Variants in NSF observed in about 807,000 individuals in gnomAD.
NSF encodes N-ethylmaleimide sensitive factor, vesicle fusing ATPase.
NSF carries 14 observed loss-of-function variants against 50.3 expected under a neutral mutation model. The ratio of observed to expected loss-of-function variants is 0.28; its 90% CI spans 0.18 to 0.44. The LOEUF is 0.44. Ranked by LOEUF, NSF falls within the 20% of genes least tolerant of loss-of-function variation. NSF has a pLI of 1.00. For missense variants in NSF, 218 were observed against 504.3 expected (o/e 0.43, Z 5.44); for synonymous variants, 109 against 175.7 (o/e 0.62, Z 3.00).
At chr17:46,750,270 T>C (rs1242714932) in intron 18 of NSF, among the ~76,000 whole-genome samples, 1 of 152,138 alleles carries the variant, frequency 6.6e-6, no homozygotes, top group African/African-American at 2.4e-5. Flanking sequence ...GGAGAATCTC[T>C]TGAACCCAGG....
intron 17 of NSF, among the ~76,000 whole-genome samples, chr17:46,748,307 CGCCATGTTGGTCAG>C (rs2059151442): frequency 6.6e-6 from 1 of 152,022 alleles, no homozygotes; most frequent in Non-Finnish European, 1.5e-5. Flanking sequence ...GATGGGGTTT[CGCCATGTTGGTCAG>C]GCTGGTCTCA....
intron 15 of NSF, among the ~76,000 whole-genome samples, chr17:46,720,324 C>T (rs2058817097): frequency 6.6e-6 from 1 of 152,244 alleles, no homozygotes; most frequent in Admixed American, 6.5e-5. Context: ...ATTTGTATCT[C>T]TTTGGCGTAG....
intron 14 of NSF, 107 bp from the exon 15 acceptor site, chr17:46,713,745 AG>A: frequency 3.2e-6 from 3 of 935,474 alleles, no homozygotes; most frequent in Non-Finnish European, 4.8e-6. Flanking sequence ...AATGTTAATG[AG>A]CAACTAGTCG....
At chr17:46,735,384 G>A (rs1168059485) in intron 17 of NSF, among the ~76,000 whole-genome samples, 5 of 151,496 alleles carry the variant, frequency 3.3e-5, no homozygotes, top group South Asian at 2.1e-4. Context: ...GGATTATAAC[G>A]TCGTAGTAGT....
chr17:46,755,256 A>G (rs1275128427), intron 19 of NSF, 58 bp from the exon 20 acceptor site: 1 of 1,297,700 alleles, frequency 7.7e-7, no homozygotes, highest in Non-Finnish European at 1.1e-6. Flanking sequence ...TCATGAAGCA[A>G]GTGCAGAGTT....
chr17:46,602,733 A>G (rs1449363867), intron 1 of NSF, among the ~76,000 whole-genome samples: 1 of 146,912 alleles, frequency 6.8e-6, no homozygotes, highest in Non-Finnish European at 1.5e-5. Context: ...CTCTGTGTCA[A>G]ATTTTTAAAT....
intron 15 of NSF, chr17:46,721,732 G>A (rs1423225416): frequency 7.5e-6 from 12 of 1,604,424 alleles, no homozygotes; most frequent in African/African-American, 4.0e-5. Flanking sequence ...CTAGTTTGAC[G>A]GGGATTCTCT....
At chr17:46,733,426 T>C (rs1032401853) in intron 17 of NSF, among the ~76,000 whole-genome samples, 19 of 152,162 alleles carry the variant, frequency 1.2e-4, no homozygotes, top group African/African-American at 4.6e-4. Context: ...TTCCCCAGTT[T>C]CCTCAACAAG....
At chr17:46,753,537 A>T (rs2059204223) in intron 19 of NSF, among the ~76,000 whole-genome samples, 1 of 152,068 alleles carries the variant, frequency 6.6e-6, no homozygotes, top group Admixed American at 6.6e-5. Flanking sequence ...ATACAGGTGT[A>T]TTGGCTCTTT....
intron 16 of NSF, among the ~76,000 whole-genome samples, chr17:46,726,819 C>G (rs1314797006): frequency 6.6e-6 from 1 of 152,176 alleles, no homozygotes; most frequent in Non-Finnish European, 1.5e-5. Flanking sequence ...GACTATAACA[C>G]CATTATAAAC....
intron 15 of NSF, among the ~76,000 whole-genome samples, chr17:46,717,833 A>C (rs1051922613): frequency 6.6e-6 from 1 of 152,194 alleles, no homozygotes; most frequent in African/African-American, 2.4e-5. Flanking sequence ...ACGCTTAACA[A>C]CTTTGACAAG....
intron 15 of NSF, among the ~76,000 whole-genome samples, chr17:46,714,804 A>G (rs1204847671): frequency 6.6e-6 from 1 of 152,100 alleles, no homozygotes; most frequent in Non-Finnish European, 1.5e-5. Context: ...TTCATGCTTG[A>G]TCTTTTATAG....
chr17:46,711,218 G>A (rs2058716526), intron 14 of NSF, 99 bp downstream of exon 14: 5 of 1,126,948 alleles, frequency 4.4e-6, no homozygotes, highest in South Asian at 2.3e-5. Context: ...ATTCTTTTTC[G>A]TTTTTAACCT....
chr17:46,635,975 G>A (rs1427585147), intron 4 of NSF, among the ~76,000 whole-genome samples: 3 of 64,524 alleles, frequency 4.6e-5, no homozygotes, highest in African/African-American at 2.4e-4. Flanking sequence ...ACAGTATACA[G>A]CACTGTAAAA....
At chr17:46,755,575 C>T (rs2059224990) in intron 20 of NSF, 2 of 684,372 alleles carry the variant, frequency 2.9e-6, no homozygotes, top group Admixed American at 2.9e-5. Context: ...ACTTCCTTGT[C>T]ACAATGCAGG....
At chr17:46,611,660 TG>T (rs1239099836) in intron 1 of NSF, among the ~76,000 whole-genome samples, 1 of 147,830 alleles carries the variant, frequency 6.8e-6, no homozygotes, top group African/African-American at 2.6e-5. Context: ...CTGGGGCAAC[TG>T]GATATCTACA....
At chr17:46,748,679 C>T (rs751052175) in intron 17 of NSF, among the ~76,000 whole-genome samples, 21 of 152,214 alleles carry the variant, frequency 1.4e-4, no homozygotes, top group Non-Finnish European at 1.9e-4. Context: ...TCAGATTGAA[C>T]TGTGAACACA....
Position 46,756,185 on chromosome 17 carries a change from A to T in NSF, c.*362A>T, listed in dbSNP as rs2059232154. 5.3e-6 allele frequency: 1 copy of T among 188,580 alleles called. No individual in the cohort carries two copies. Among genetic ancestry groups the T allele is most frequent in the African/African-American group, 2.3e-5 (1 of 42,886 alleles). 11.7% of individuals were successfully genotyped at this position (188,580 alleles called of 1,614,324 possible). A position where few individuals can be genotyped will look rare whatever the true frequency, so the allele number is the denominator to read the frequency against. On this transcript the variant is annotated 3_prime_UTR_variant, in exon 21 of 21. Transcript: ENST00000398238. ...TGAAAACTCTCAGTCAGTGTCATGA[A>T]TGTTGCATGACAACAGTTGGCCGAT...
At chr17:46,631,002 C>T (rs2058129598) in intron 4 of NSF, among the ~76,000 whole-genome samples, 1 of 140,758 alleles carries the variant, frequency 7.1e-6, no homozygotes, top group Non-Finnish European at 1.5e-5. Flanking sequence ...TACCAATTGT[C>T]ATATTTTCTT....
Sources: gnomAD v4.1 joint callset for allele counts (sites outside exome capture counted in the v4.1 genomes callset) on GRCh38, gnomAD v4.1.1 for gene constraint, MANE v1.5 for transcripts, NCBI Gene and HGNC (gene_info 2026-07-23, HGNC 2026-07-21) for gene names.